The following KCNQ1OT1 variants were observed in gnomAD, a reference collection of about 807,000 sequenced individuals.
KCNQ1OT1 encodes the protein KCNQ1 antisense RNA 2 (non-protein coding).
Position 2,678,279 on chromosome 11 carries a change from T to C in KCNQ1OT1, n.21716A>G, listed in dbSNP as rs1850327997. 5.0e-6 allele frequency: 2 copies of C among 398,488 alleles called. No individual in the cohort carries two copies. The highest frequency in any genetic ancestry group is 8.8e-6 in the Non-Finnish European group (2 of 225,998). 24.7% of individuals were successfully genotyped at this position (398,488 alleles called of 1,614,324 possible). ...AATAACCTCTCATCCTGAAATTGTT[T>C]TAATAAATTCTTCCATGTTTTCTTC... is the stretch of plus-strand genomic sequence containing the variant. On this transcript the variant is annotated non_coding_transcript_exon_variant, in exon 1 of 1. Transcript: ENST00000597346. The surrounding 1 kb of genome is among the most constrained non-coding windows in gnomAD (Gnocchi z 4.9).
At position 2,685,516 on chromosome 11, in the gene KCNQ1OT1, G is replaced by A. The variant is rs563585270; in HGVS notation, n.14479C>T. 10 of 398,762 alleles carry A rather than the reference G, an allele frequency of 2.5e-5. No individual in the cohort carries two copies. In the South Asian group the frequency reaches 8.9e-4, roughly 35 times the overall value. The allele number at this position is 398,762 out of a possible 1,614,324, so 24.7% of individuals were successfully genotyped here. On this transcript the variant is annotated non_coding_transcript_exon_variant, in exon 1 of 1. Transcript: ENST00000597346. The stretch of plus-strand genomic sequence containing the variant: ...AGTTGCTCACATCCAGACAGGAGAC[G>A]CTAGTCCTACAGGTGCAGTGGGAGG...
chr11:2,650,368 T>A (rs1303322998), exon 1 of KCNQ1OT1: 1 of 398,528 alleles, frequency 2.5e-6, no homozygotes, highest in Non-Finnish European at 4.4e-6. Flanking sequence ...TCTGCATATC[T>A]GGAATAACAG....
Position 2,691,593 on chromosome 11 carries a change from G to T in KCNQ1OT1, n.8402C>A, listed in dbSNP as rs928782544. 2.5e-6 allele frequency: 1 copy of T among 398,582 alleles called. No individual in the cohort carries two copies. Among genetic ancestry groups the T allele is most frequent in the Non-Finnish European group, 4.4e-6 (1 of 226,058 alleles). The allele number at this position is 398,582 out of a possible 1,614,324, so 24.7% of individuals were successfully genotyped here. A position where few individuals can be genotyped will look rare whatever the true frequency, so the allele number is the denominator to read the frequency against. ...CAGCAAGGACGAGGCCTCCCTGAGG[G>T]AGTCAACCTAGCTTGTTCCCTGCAC... On this transcript the variant is annotated non_coding_transcript_exon_variant, in exon 1 of 1. Transcript: ENST00000597346. The surrounding 1 kb of genome is among the most constrained non-coding windows in gnomAD (Gnocchi z 6.4).
chr11:2,628,290 C>G (rs1220643407), exon 1 of KCNQ1OT1: 1 of 398,434 alleles, frequency 2.5e-6, no homozygotes, highest in Non-Finnish European at 4.4e-6. Context: ...ACATCCTCAC[C>G]AACACTTGCT....
chr11:2,696,268 T>C (rs1850674375), exon 1 of KCNQ1OT1: 1 of 398,674 alleles, frequency 2.5e-6, no homozygotes, highest in Non-Finnish European at 4.4e-6. Flanking sequence ...ATTTAGTCCA[T>C]TTGGAGTCTA....
chr11:2,649,380 T>C (rs1849723170), exon 1 of KCNQ1OT1: 1 of 398,556 alleles, frequency 2.5e-6, no homozygotes, highest in Admixed American at 4.4e-5. Flanking sequence ...TCTACTAGTG[T>C]TTTATGCTTT....
chr11:2,611,033 T>G lies in KCNQ1OT1; in HGVS notation n.88962A>C. ...TCAGTTGTCTGTTTCTCTCTTCATTTCTGACAGTTTTATTTCATATACTTC... is the reference window on the plus strand; with the variant it reads ...TCAGTTGTCTGTTTCTCTCTTCATTGCTGACAGTTTTATTTCATATACTTC... On this transcript the variant is annotated non_coding_transcript_exon_variant, in exon 1 of 1. Coordinates refer to ENST00000597346, the Ensembl canonical transcript of KCNQ1OT1. The surrounding 1 kb of genome is among the most constrained non-coding windows in gnomAD (Gnocchi z 5.3). 2.5e-6 allele frequency: 1 copy of G among 398,518 alleles called. No homozygotes were observed. 24.7% of individuals were successfully genotyped at this position (398,518 alleles called of 1,614,324 possible).
At chr11:2,648,930 T>C (rs1849709260) in exon 1 of KCNQ1OT1, 6 of 398,052 alleles carry the variant, frequency 1.5e-5, no homozygotes, top group Non-Finnish European at 2.7e-5. Flanking sequence ...TCTTGCTGAA[T>C]TGATCCATTT....
At chr11:2,697,269 T>G in exon 1 of KCNQ1OT1, 1 of 398,620 alleles carries the variant, frequency 2.5e-6, no homozygotes, top group Non-Finnish European at 4.4e-6. Flanking sequence ...CAATAACTTT[T>G]AAGAATACAA....
At chr11:2,649,635 T>C (rs466597) in exon 1 of KCNQ1OT1, 48,786 of 398,512 alleles carry the variant, frequency 0.12, 3,118 homozygotes, top group Middle Eastern at 0.16. Flanking sequence ...CATTCAATTC[T>C]TTCCTGGCCT....
Position 2,663,900 on chromosome 11 carries a change from T to C in KCNQ1OT1, n.36095A>G, listed in dbSNP as rs1291087463. 2.3e-5 allele frequency: 9 copies of C among 398,718 alleles called. No homozygotes were observed. In the East Asian group the frequency reaches 3.2e-4, roughly 14 times the overall value. The allele number at this position is 398,718 out of a possible 1,614,324, so 24.7% of individuals were successfully genotyped here. On this transcript the variant is annotated non_coding_transcript_exon_variant, in exon 1 of 1. Transcript: ENST00000597346. The surrounding 1 kb of genome is among the most constrained non-coding windows in gnomAD (Gnocchi z 5.2). Reference sequence around the variant, plus strand: ...AAGGGTGACCCCAAGCCAGTGTGGCTGTGTCATCTAGGACACTGGGCTGTT... The same window carrying C: ...AAGGGTGACCCCAAGCCAGTGTGGCCGTGTCATCTAGGACACTGGGCTGTT...
exon 1 of KCNQ1OT1, chr11:2,672,280 C>T (rs1286815965): frequency 2.5e-6 from 1 of 398,550 alleles, no homozygotes; most frequent in African/African-American, 2.1e-5. Flanking sequence ...CCACGAACCC[C>T]ACCAGCTGGG....
Position 2,613,284 on chromosome 11 carries a change from A to C in KCNQ1OT1, n.86711T>G, listed in dbSNP as rs1477905796. 1.5e-5 allele frequency: 6 copies of C among 398,480 alleles called. No individual in the cohort carries two copies. Among genetic ancestry groups the C allele is most frequent in the Non-Finnish European group, 2.7e-5 (6 of 226,072 alleles). The allele number at this position is 398,480 out of a possible 1,614,324, so 24.7% of individuals were successfully genotyped here. A position where few individuals can be genotyped will look rare whatever the true frequency, so the allele number is the denominator to read the frequency against. ...AACCTCTCTGATCTCTCCTGCAAGC[A>C]TGTACAACTTCCATATCTCCAGAAT... On this transcript the variant is annotated non_coding_transcript_exon_variant, in exon 1 of 1. Transcript: ENST00000597346. The surrounding 1 kb of genome is among the most constrained non-coding windows in gnomAD (Gnocchi z 4.8).
At chr11:2,615,384 T>A in exon 1 of KCNQ1OT1, 1 of 398,112 alleles carries the variant, frequency 2.5e-6, no homozygotes, top group Non-Finnish European at 4.4e-6. Context: ...GCTATTCATT[T>A]ACCTGTTTGT....
chr11:2,674,057 G>A lies in KCNQ1OT1; in HGVS notation n.25938C>T, dbSNP rs963274651. 15 of 398,548 alleles carry A rather than the reference G, an allele frequency of 3.8e-5. No homozygotes were observed. The highest frequency in any genetic ancestry group is 6.2e-5 in the Non-Finnish European group (14 of 226,110). 24.7% of individuals were successfully genotyped at this position (398,548 alleles called of 1,614,324 possible). On this transcript the variant is annotated non_coding_transcript_exon_variant, in exon 1 of 1. Transcript: ENST00000597346. The surrounding 1 kb of genome is among the most constrained non-coding windows in gnomAD (Gnocchi z 5.9). ...GTGCAGCCCCTCATTTGTACTTGCT[G>A]GCTGCCCCATGGGGGCTTGGGCTAG... is the stretch of plus-strand genomic sequence containing the variant.
exon 1 of KCNQ1OT1, chr11:2,633,283 A>G (rs773489117): frequency 1.5e-5 from 6 of 398,400 alleles, no homozygotes; most frequent in Non-Finnish European, 2.7e-5. Flanking sequence ...TATTCCGGAT[A>G]TTAATCCCTT....
At position 2,668,518 on chromosome 11, in the gene KCNQ1OT1, T is replaced by C; in HGVS notation, n.31477A>G. 1 of 398,648 alleles carries C rather than the reference T, an allele frequency of 2.5e-6. No individual in the cohort carries two copies. Among genetic ancestry groups the C allele is most frequent in the South Asian group, 1.3e-4 (1 of 7,862 alleles). 24.7% of individuals were successfully genotyped at this position (398,648 alleles called of 1,614,324 possible). The stretch of plus-strand genomic sequence containing the variant: ...AATGTCTAGCAGCATCAAATGGTGA[T>C]TTTAATTTGCAGTAACCTGTTGACT... On this transcript the variant is annotated non_coding_transcript_exon_variant, in exon 1 of 1. Transcript: ENST00000597346. The surrounding 1 kb of genome is among the most constrained non-coding windows in gnomAD (Gnocchi z 4.3).
exon 1 of KCNQ1OT1, chr11:2,644,602 T>C (rs1351350259): frequency 2.5e-6 from 1 of 398,490 alleles, no homozygotes; most frequent in East Asian, 3.6e-5. Context: ...CCTTAGGAGT[T>C]GTCATGTTTT....
exon 1 of KCNQ1OT1, chr11:2,629,507 T>C: frequency 2.5e-6 from 1 of 398,486 alleles, no homozygotes; most frequent in Non-Finnish European, 4.4e-6. Context: ...AATTTTTGTA[T>C]ATGGAGTTAG....
Sources: allele counts gnomAD v4.1 joint callset, GRCh38; gene constraint gnomAD v4.1.1; non-coding constraint Gnocchi (gnomAD v3.1); transcripts MANE v1.5; gene names NCBI Gene and HGNC (gene_info 2026-07-23, HGNC 2026-07-21).